Variants in GRIK1 observed in about 807,000 individuals in gnomAD.
GRIK1 encodes glutamate ionotropic receptor kainate type subunit 1, also known as glutamate receptor ionotropic, kainate 1.
Under a neutral mutation model 105.7 loss-of-function variants are expected in GRIK1, and 69 were observed. The observed-to-expected ratio is 0.65, with a 90% CI of 0.54 to 0.80. The LOEUF is 0.80. Ranked by LOEUF, GRIK1 falls within the 30% of genes least tolerant of loss-of-function variation. The pLI, the probability that GRIK1 is intolerant of heterozygous loss-of-function variation, is 0.00. For synonymous variants in GRIK1, 438 were observed against 431.3 expected (o/e 1.02, Z -0.19); for missense variants, 1,109 against 1,167.3 (o/e 0.95, Z 0.73).
intron 2 of GRIK1, among the ~76,000 whole-genome samples, chr21:29,691,067 T>C (rs542255543): frequency 2.5e-4 from 38 of 151,988 alleles, no homozygotes; most frequent in Non-Finnish European, 4.1e-4. Context: ...TCCCAGCACT[T>C]TGGGAGGCTG....
chr21:29,803,119 T>C (rs191093582), intron 1 of GRIK1, among the ~76,000 whole-genome samples: 1 of 152,276 alleles, frequency 6.6e-6, no homozygotes, highest in East Asian at 1.9e-4. Context: ...TGGATAACTA[T>C]CCCTTAATAG....
intron 1 of GRIK1, among the ~76,000 whole-genome samples, chr21:29,782,227 C>CA (rs2066138942): frequency 1.3e-5 from 2 of 151,762 alleles, no homozygotes; most frequent in Admixed American, 6.6e-5. Context: ...GCTGGGACTG[C>CA]AGGCGCCCGC....
intron 14 of GRIK1, among the ~76,000 whole-genome samples, chr21:29,566,235 A>G (rs1279612893): frequency 7.2e-5 from 11 of 152,314 alleles, no homozygotes; most frequent in Non-Finnish European, 8.8e-5. Flanking sequence ...TCTAAATAAT[A>G]TATGTTCCAA....
At chr21:29,681,069 G>C (rs775251177) in intron 3 of GRIK1, among the ~76,000 whole-genome samples, 58 of 152,284 alleles carry the variant, frequency 3.8e-4, no homozygotes, top group Non-Finnish European at 6.6e-4. Context: ...GGTGGTGGAG[G>C]TTGCAGTGAG....
chr21:29,760,978 C>T (rs2065498599), intron 1 of GRIK1, among the ~76,000 whole-genome samples: 1 of 152,148 alleles, frequency 6.6e-6, no homozygotes, highest in Non-Finnish European at 1.5e-5. Flanking sequence ...ATTTTGTGGG[C>T]TTACTTTTTT....
chr21:29,660,541 A>G (rs980851526), intron 4 of GRIK1, among the ~76,000 whole-genome samples: 1 of 152,194 alleles, frequency 6.6e-6, no homozygotes, highest in Non-Finnish European at 1.5e-5. Context: ...CTCAGCAACC[A>G]TCACTAAGGG....
intron 1 of GRIK1, among the ~76,000 whole-genome samples, chr21:29,759,493 T>A (rs753613085): frequency 1.3e-5 from 2 of 152,218 alleles, no homozygotes; most frequent in African/African-American, 2.4e-5. Flanking sequence ...ATGAAACACC[T>A]GGTGAATATA....
chr21:29,678,652 AG>A (rs750222090), intron 3 of GRIK1, among the ~76,000 whole-genome samples: 2 of 152,186 alleles, frequency 1.3e-5, no homozygotes, highest in Non-Finnish European at 2.9e-5. Flanking sequence ...AGAGAAAAAA[AG>A]AAACTGTAAT....
chr21:29,752,969 A>T (rs2065242810), intron 1 of GRIK1, among the ~76,000 whole-genome samples: 1 of 152,242 alleles, frequency 6.6e-6, no homozygotes, highest in Non-Finnish European at 1.5e-5. Flanking sequence ...TTCAGATTTG[A>T]TATGACAGGC....
chr21:29,731,348 T>TTAG (rs1601551298), intron 1 of GRIK1, among the ~76,000 whole-genome samples: 2 of 152,202 alleles, frequency 1.3e-5, no homozygotes, highest in African/African-American at 4.8e-5. Context: ...TGCCATAACC[T>TTAG]TAGCTCTTGA....
chr21:29,629,219 T>TGTGTGTGTGG lies in GRIK1; in HGVS notation c.1098+13606_1098+13607insCCACACACAC, dbSNP rs1555853113. Among the ~76,000 whole-genome samples the TGTGTGTGTGG allele has an allele frequency of 6.4e-3, 974 of 151,118 alleles. 10 individuals are homozygous for TGTGTGTGTGG. Among genetic ancestry groups the TGTGTGTGTGG allele is most frequent in the Non-Finnish European group, 8.5e-3 (580 of 67,840 alleles). ...ATGTGTGTGTGTGTGTGTGTGTGTG[T>TGTGTGTGTGG]GTGTGTGTGTGTGTGCTATTTGCAA... On this transcript the variant is annotated intron_variant, in intron 7 of 17. Coordinates refer to ENST00000327783, the MANE Select transcript of GRIK1 (RefSeq NM_001330994.2).
intron 1 of GRIK1, among the ~76,000 whole-genome samples, chr21:29,721,793 T>TAA (rs1239900045): frequency 6.6e-6 from 1 of 152,110 alleles, no homozygotes; most frequent in Non-Finnish European, 1.5e-5. Flanking sequence ...ATACAATGTT[T>TAA]AAGTCTTGGT....
chr21:29,678,336 T>C (rs979756654), intron 3 of GRIK1, among the ~76,000 whole-genome samples: 3 of 152,152 alleles, frequency 2.0e-5, no homozygotes, highest in East Asian at 1.9e-4. Context: ...TCTTCATACA[T>C]AGCGTTTTTC....
intron 1 of GRIK1, among the ~76,000 whole-genome samples, chr21:29,852,077 T>A (rs993077445): frequency 6.6e-6 from 1 of 151,484 alleles, no homozygotes; most frequent in Non-Finnish European, 1.5e-5. Flanking sequence ...TTCCCACCCC[T>A]CCATTCCCAT....
At chr21:29,735,520 A>G (rs2064767215) in intron 1 of GRIK1, among the ~76,000 whole-genome samples, 2 of 152,186 alleles carry the variant, frequency 1.3e-5, no homozygotes, top group Non-Finnish European at 2.9e-5. Flanking sequence ...TATATATGCT[A>G]TTCTCTTCTC....
chr21:29,921,241 GTT>G (rs1475971962), intron 1 of GRIK1, among the ~76,000 whole-genome samples: 1 of 152,094 alleles, frequency 6.6e-6, no homozygotes, highest in Non-Finnish European at 1.5e-5. Flanking sequence ...GCATACAACT[GTT>G]CTAGAGGAGT....
intron 1 of GRIK1, among the ~76,000 whole-genome samples, chr21:29,827,479 T>A (rs951415304): frequency 4.6e-5 from 7 of 152,124 alleles, no homozygotes; most frequent in African/African-American, 1.7e-4. Context: ...TGTATGGCAC[T>A]CATAAGTCCA....
intron 1 of GRIK1, among the ~76,000 whole-genome samples, chr21:29,932,068 T>A (rs1314373242): frequency 6.6e-6 from 1 of 152,172 alleles, no homozygotes; most frequent in Non-Finnish European, 1.5e-5. Flanking sequence ...CTTGAAACAT[T>A]AATAAGTAGA....
intron 1 of GRIK1, chr21:29,761,495 G>A (rs2065517951): frequency 6.6e-6 from 1 of 151,906 alleles, no homozygotes; most frequent in South Asian, 2.1e-4. Flanking sequence ...GAATATTACT[G>A]TATAACTTTC....
Sources: allele counts gnomAD v4.1 joint callset (sites outside exome capture counted in the v4.1 genomes callset), GRCh38; gene constraint gnomAD v4.1.1; transcripts MANE v1.5; gene names NCBI Gene and HGNC (gene_info 2026-07-23, HGNC 2026-07-21).